Variants in ARID4B observed in about 807,000 individuals in gnomAD.
The protein encoded by ARID4B is AT-rich interaction domain 4B, also known as AT-rich interactive domain-containing protein 4B.
A neutral mutation model predicts 147.5 loss-of-function variants in ARID4B; 26 were observed. The observed-to-expected ratio is 0.18, with a 90% CI of 0.13 to 0.24. The LOEUF is 0.24. ARID4B is among the 10% of genes least tolerant of loss of function. The pLI, the probability that ARID4B is intolerant of heterozygous loss-of-function variation, is 1.00. For synonymous variants in ARID4B, 512 were observed against 507.9 expected (o/e 1.01, Z -0.11); for missense variants, 1,179 against 1,511.5 (o/e 0.78, Z 3.65).
intron 11 of ARID4B, among the ~76,000 whole-genome samples, chr1:235,225,579 A>C (rs1173256518): frequency 6.6e-6 from 1 of 152,198 alleles, no homozygotes; most frequent in Non-Finnish European, 1.5e-5. Context: ...CAAATAAAAG[A>C]AAAAATAGGC....
chr1:235,325,091 A>G (rs1040551460), intron 2 of ARID4B, among the ~76,000 whole-genome samples: 1 of 152,206 alleles, frequency 6.6e-6, no homozygotes, highest in Non-Finnish European at 1.5e-5. Flanking sequence ...AAATAAGCTA[A>G]GTTTTTAGTA....
At chr1:235,181,285 C>A in intron 20 of ARID4B, 1 of 558,722 alleles carries the variant, frequency 1.8e-6, no homozygotes, top group Non-Finnish European at 2.7e-6. Flanking sequence ...TAGTCAACCA[C>A]TGCATATAAT....
In ARID4B at chr1:235,270,009, C is replaced by T. The variant is rs559264520; in HGVS notation, c.7-9257G>A. Among the ~76,000 whole-genome samples the T allele has an allele frequency of 8.0e-4, 122 of 152,166 alleles. 2 individuals are homozygous for T. Among genetic ancestry groups the T allele is most frequent in the African/African-American group, 1.1e-3 (46 of 41,516 alleles). On this transcript the variant is annotated intron_variant, in intron 2 of 23. Coordinates refer to ENST00000264183, the MANE Select transcript of ARID4B (RefSeq NM_016374.6). ...ATTTTAAAACTCAACGCCAGCCGGG[C>T]GCGGTGCCTCACGCCTGTAATCCAA...
intron 2 of ARID4B, among the ~76,000 whole-genome samples, chr1:235,268,888 C>T (rs1161808736): frequency 6.6e-6 from 1 of 152,092 alleles, no homozygotes; most frequent in African/African-American, 2.4e-5. Context: ...CATCTTGTGT[C>T]AGAAAGTAAA....
chr1:235,223,396 T>TATATATATACAC (rs1667622694), intron 12 of ARID4B, 136 bp from the exon 13 acceptor site: 1 of 192,960 alleles, frequency 5.2e-6, no homozygotes. Context: ...CGTATATATA[T>TATATATATACAC]GTGTGTGTAT....
At chr1:235,249,229 A>G (rs1325967337) in intron 6 of ARID4B, among the ~76,000 whole-genome samples, 2 of 152,082 alleles carry the variant, frequency 1.3e-5, no homozygotes, top group Non-Finnish European at 2.9e-5. Context: ...GATACTCAAG[A>G]GGCTGAGGCA....
intron 19 of ARID4B, among the ~76,000 whole-genome samples, chr1:235,184,781 G>A (rs1664559479): frequency 6.6e-6 from 1 of 152,076 alleles, no homozygotes; most frequent in Non-Finnish European, 1.5e-5. Flanking sequence ...GATAGTTATA[G>A]TCATCTCTTA....
intron 20 of ARID4B, chr1:235,180,505 A>G (rs1166069456): frequency 6.6e-6 from 1 of 152,204 alleles, no homozygotes; most frequent in Admixed American, 6.6e-5. Flanking sequence ...CATTTTGAAG[A>G]TTAGTCATGC....
At chr1:235,316,228 T>C (rs1421485407) in intron 2 of ARID4B, among the ~76,000 whole-genome samples, 3 of 152,090 alleles carry the variant, frequency 2.0e-5, no homozygotes, top group Admixed American at 6.6e-5. Context: ...CAAAAATAAG[T>C]GGGGTGCAGT....
At chr1:235,286,618 G>A (rs1388745502) in intron 2 of ARID4B, among the ~76,000 whole-genome samples, 1 of 152,164 alleles carries the variant, frequency 6.6e-6, no homozygotes, top group African/African-American at 2.4e-5. Flanking sequence ...ATAGATTCTG[G>A]AGAAGAGCTA....
chr1:235,292,744 T>G (rs976845178), intron 2 of ARID4B, among the ~76,000 whole-genome samples: 2 of 152,044 alleles, frequency 1.3e-5, no homozygotes, highest in Admixed American at 6.6e-5. Context: ...AGAATATGCA[T>G]AAAACTTGAA....
At chr1:235,190,313 T>C (rs1235733236) in intron 19 of ARID4B, among the ~76,000 whole-genome samples, 2 of 152,078 alleles carry the variant, frequency 1.3e-5, no homozygotes, top group Non-Finnish European at 2.9e-5. Flanking sequence ...CCAGGCGTGG[T>C]GGCAGGCCCC....
intron 2 of ARID4B, among the ~76,000 whole-genome samples, chr1:235,275,375 A>G (rs760852887): frequency 6.6e-6 from 1 of 152,218 alleles, no homozygotes; most frequent in South Asian, 2.1e-4. Flanking sequence ...AGCCTATGGT[A>G]GCCATTTTCT....
chr1:235,287,309 C>A (rs915748511), intron 2 of ARID4B, among the ~76,000 whole-genome samples: 1 of 151,804 alleles, frequency 6.6e-6, no homozygotes. Context: ...CTGCTGACTT[C>A]TATTTCAGAA....
intron 3 of ARID4B, among the ~76,000 whole-genome samples, chr1:235,257,972 C>T (rs1308563577): frequency 2.6e-5 from 4 of 152,062 alleles, no homozygotes; most frequent in Non-Finnish European, 4.4e-5. Context: ...TCTCTAGTAC[C>T]AAACATTTAA....
In ARID4B at chr1:235,220,390, T is replaced by C; in HGVS notation, c.1319A>G (p.Lys440Arg). Reference protein sequence around the residue: ...EENETEIKEIKMEEERNIIPR... With the variant: ...EENETEIKEIRMEEERNIIPR... ...TATTATATTCCTCTCCTCCTCCATC[T>C]TTATTTCTTTGATCTCTGTTTCATT... Residue 440 changes from lysine (K) to arginine (R), a missense_variant, in exon 15 of 24, where the codon AAG (lysine) becomes AGG (arginine). Around this residue, in one of 10 missense-constraint regions of ARID4B, gnomAD observed 204 missense variants for 210.9 expected, o/e 0.97. Transcript: ENST00000264183. 1 of 1,611,394 alleles carries C rather than the reference T, an allele frequency of 6.2e-7. No individual in the cohort carries two copies. The highest frequency in any genetic ancestry group is 1.7e-5 in the Admixed American group (1 of 60,006).
intron 8 of ARID4B, among the ~76,000 whole-genome samples, chr1:235,236,838 A>ATATATATATATATATATATATGTATG (rs1558233458): frequency 7.2e-5 from 2 of 27,894 alleles, no homozygotes; most frequent in African/African-American, 2.2e-4. Context: ...TAAAAAATAT[A>ATATATATATATATATATATATGTATG]TATATATATA....
At chr1:235,198,622 AGAAG>A (rs1167967315) in intron 17 of ARID4B, among the ~76,000 whole-genome samples, 1 of 152,226 alleles carries the variant, frequency 6.6e-6, no homozygotes, top group African/African-American at 2.4e-5. Context: ...CAATTATAAA[AGAAG>A]GATGGTACAA....
chr1:235,187,180 C>T (rs1280911778), intron 19 of ARID4B: 3 of 266,058 alleles, frequency 1.1e-5, no homozygotes, highest in Non-Finnish European at 2.2e-5. Flanking sequence ...CTCGTGGGTT[C>T]AAGTGATTCT....
Sources: allele counts gnomAD v4.1 joint callset (sites outside exome capture counted in the v4.1 genomes callset), GRCh38; gene constraint gnomAD v4.1.1; regional missense constraint gnomAD v4.1.1; transcripts MANE v1.5; gene names NCBI Gene and HGNC (gene_info 2026-07-23, HGNC 2026-07-21).